FOXP2: variants seen among roughly 807,000 people sequenced by gnomAD.
FOXP2 encodes forkhead box P2, also known as forkhead box protein P2.
A neutral mutation model predicts 115.8 loss-of-function variants in FOXP2; 12 were observed. The observed-to-expected ratio is 0.10, with a 90% CI of 0.07 to 0.17. FOXP2 has a LOEUF of 0.17. Ranked by LOEUF, FOXP2 falls within the 10% of genes least tolerant of loss-of-function variation. FOXP2 has a pLI of 1.00. For missense variants in FOXP2, 629 were observed against 843.5 expected, an observed-to-expected ratio of 0.75 and a Z score of 3.15; for synonymous variants, 328 against 297.7, an observed-to-expected ratio of 1.10 and a Z score of -1.05.
At chr7:114,433,202 T>A (rs962429179) in intron 2 of FOXP2, among the ~76,000 whole-genome samples, 2 of 152,040 alleles carry the variant, frequency 1.3e-5, no homozygotes, top group Non-Finnish European at 1.5e-5. Context: ...AGCATTTGTG[T>A]CCTAGTCCAT....
chr7:114,312,116 T>C (rs2129180181), intron 2 of FOXP2, among the ~76,000 whole-genome samples: 1 of 152,252 alleles, frequency 6.6e-6, no homozygotes, highest in Non-Finnish European at 1.5e-5. Context: ...CAAATGAACT[T>C]TTATGTATTC....
intron 1 of FOXP2, among the ~76,000 whole-genome samples, chr7:114,145,798 T>C (rs1792355566): frequency 6.6e-6 from 1 of 152,178 alleles, no homozygotes; most frequent in Non-Finnish European, 1.5e-5. Context: ...TGATGAGATT[T>C]TCGCAAATTT....
intron 3 of FOXP2, among the ~76,000 whole-genome samples, chr7:114,565,483 C>A (rs1460210589): frequency 6.6e-6 from 1 of 152,034 alleles, no homozygotes; most frequent in African/African-American, 2.4e-5. Context: ...AATGCATATC[C>A]CTGGACGCTA....
chr7:114,612,820 G>T (rs1484468469), intron 3 of FOXP2, among the ~76,000 whole-genome samples: 1 of 152,096 alleles, frequency 6.6e-6, no homozygotes, highest in Non-Finnish European at 1.5e-5. Flanking sequence ...TAGTGTTCTT[G>T]AAGCGATCTA....
intron 1 of FOXP2, among the ~76,000 whole-genome samples, chr7:114,222,401 C>T (rs1794647763): frequency 6.6e-6 from 1 of 152,192 alleles, no homozygotes; most frequent in South Asian, 2.1e-4. Context: ...CCGCCCACCT[C>T]AGCCTCCCAA....
chr7:114,624,921 A>T (rs937862663), intron 3 of FOXP2, among the ~76,000 whole-genome samples: 3 of 147,534 alleles, frequency 2.0e-5, no homozygotes, highest in East Asian at 2.0e-4. Context: ...TAATACCTAA[A>T]TTTTTTTTTT....
intron 2 of FOXP2, among the ~76,000 whole-genome samples, chr7:114,304,541 G>A (rs147646470): frequency 4.6e-5 from 7 of 151,416 alleles, no homozygotes; most frequent in Non-Finnish European, 8.8e-5. Context: ...GTGGTGGTGC[G>A]TGCCTGTAGT....
intron 2 of FOXP2, among the ~76,000 whole-genome samples, chr7:114,335,222 G>T (rs990552004): frequency 6.6e-6 from 1 of 151,392 alleles, no homozygotes; most frequent in African/African-American, 2.4e-5. Flanking sequence ...ATGAAATAAA[G>T]CTATAATAAA....
chr7:114,458,660 G>A (rs896412099), intron 2 of FOXP2, among the ~76,000 whole-genome samples: 4 of 147,274 alleles, frequency 2.7e-5, no homozygotes, highest in East Asian at 4.1e-4. Context: ...TGATCCTCCC[G>A]CCTCAGCCTT....
At chr7:114,252,038 AT>A (rs1376820489) in intron 1 of FOXP2, among the ~76,000 whole-genome samples, 1 of 152,198 alleles carries the variant, frequency 6.6e-6, no homozygotes, top group African/African-American at 2.4e-5. Flanking sequence ...TTCTGCATCT[AT>A]TGAGATAATC....
chr7:114,436,861 C>T (rs1439384716), intron 2 of FOXP2, among the ~76,000 whole-genome samples: 4 of 152,048 alleles, frequency 2.6e-5, no homozygotes, highest in Non-Finnish European at 5.9e-5. Context: ...GTAGAGAGGG[C>T]ATTTCCTTAC....
chr7:114,181,992 T>A (rs1485376348), intron 1 of FOXP2, among the ~76,000 whole-genome samples: 1 of 152,048 alleles, frequency 6.6e-6, no homozygotes, highest in East Asian at 1.9e-4. Flanking sequence ...TTCTTTTAAT[T>A]AAAAAGGGCA....
At chr7:114,461,630 A>G (rs969465616) in intron 2 of FOXP2, among the ~76,000 whole-genome samples, 1 of 151,992 alleles carries the variant, frequency 6.6e-6, no homozygotes, top group Non-Finnish European at 1.5e-5. Context: ...TTCTTTCTGA[A>G]ATTTAAAGTT....
chr7:114,266,397 T>C (rs979409062), intron 1 of FOXP2, among the ~76,000 whole-genome samples: 4 of 152,166 alleles, frequency 2.6e-5, no homozygotes, highest in African/African-American at 9.7e-5. Context: ...CTGCAGACTG[T>C]ACAGGAAGCA....
chr7:114,469,571 T>C (rs1795955338), intron 2 of FOXP2, among the ~76,000 whole-genome samples: 1 of 152,216 alleles, frequency 6.6e-6, no homozygotes, highest in African/African-American at 2.4e-5. Flanking sequence ...GTTTAACTTC[T>C]GTCTTTATCA....
chr7:114,533,618 A>G (rs926175840), intron 2 of FOXP2, among the ~76,000 whole-genome samples: 3 of 151,960 alleles, frequency 2.0e-5, no homozygotes, highest in Non-Finnish European at 2.9e-5. Context: ...CTTGTATTCA[A>G]AAACAGTAAA....
intron 2 of FOXP2, among the ~76,000 whole-genome samples, chr7:114,318,768 C>T (rs1797338081): frequency 6.6e-6 from 1 of 151,352 alleles, no homozygotes; most frequent in African/African-American, 2.4e-5. Context: ...TGCATATTTT[C>T]TGGCAGATCA....
intron 6 of FOXP2, among the ~76,000 whole-genome samples, chr7:114,634,089 G>A (rs1322332135): frequency 6.6e-6 from 1 of 151,682 alleles, no homozygotes; most frequent in Non-Finnish European, 1.5e-5. Flanking sequence ...CCGCCTTCCC[G>A]GGTTCAAGCA....
intron 2 of FOXP2, among the ~76,000 whole-genome samples, chr7:114,482,944 C>G (rs1320264431): frequency 2.6e-5 from 4 of 151,478 alleles, no homozygotes; most frequent in African/African-American, 9.7e-5. Flanking sequence ...CCAAGTTTGC[C>G]CTTTCACCCT....
Sources: allele counts gnomAD v4.1 joint callset (sites outside exome capture counted in the v4.1 genomes callset), GRCh38; gene constraint gnomAD v4.1.1; transcripts MANE v1.5; gene names NCBI Gene and HGNC (gene_info 2026-07-23, HGNC 2026-07-21).